The following NUP214 variants were observed in gnomAD, a reference collection of about 807,000 sequenced individuals.
NUP214 encodes the protein nucleoporin 214, also known as nuclear pore complex protein Nup214.
Under a neutral mutation model 196.2 loss-of-function variants are expected in NUP214, and 79 were observed. The observed-to-expected ratio is 0.40, with a 90% CI of 0.34 to 0.49. The LOEUF (loss-of-function observed/expected upper bound fraction) is 0.49. NUP214 is among the 20% of genes least tolerant of loss of function. The pLI is 0.58. For synonymous variants in NUP214, 1,020 were observed against 990.5 expected (o/e 1.03, Z -0.56); for missense variants, 2,468 against 2,539.0 (o/e 0.97, Z 0.60).
Position 131,192,169 on chromosome 9 carries a change from CTTT to C in NUP214, c.3575-15_3575-13del, listed in dbSNP as rs66652901. 722 of 446,518 alleles carry C rather than the reference CTTT, an allele frequency of 1.6e-3. 1 individual carries two copies. Among genetic ancestry groups the C allele is most frequent in the African/African-American group, 9.4e-3 (245 of 26,034 alleles). The allele number at this position is 446,518 out of a possible 1,614,324, so 27.7% of individuals were successfully genotyped here. A position where few individuals can be genotyped will look rare whatever the true frequency, so the allele number is the denominator to read the frequency against. Reference sequence around the variant, plus strand: ...AGTGTTTCTGTCTTTTTGTAATATTCTTTTTTTTTTTTTTTTTTTTTTTTTTCC... The same window carrying C: ...AGTGTTTCTGTCTTTTTGTAATATTCTTTTTTTTTTTTTTTTTTTTTTTCC... On this transcript the variant is annotated intron_variant, in intron 26 of 35. Transcript: ENST00000359428.
intron 32 of NUP214, among the ~76,000 whole-genome samples, chr9:131,227,198 G>A (rs1300174891): frequency 6.6e-6 from 1 of 152,234 alleles, no homozygotes; most frequent in Admixed American, 6.5e-5. Flanking sequence ...AGGAGAGGAT[G>A]TTTTGTCTTC....
chr9:131,142,825 T>TA (rs1269164609), intron 11 of NUP214, among the ~76,000 whole-genome samples: 1 of 152,246 alleles, frequency 6.6e-6, no homozygotes, highest in East Asian at 1.9e-4. Flanking sequence ...ATCTAAGTAT[T>TA]ACGTTGCATT....
chr9:131,175,834 T>A, intron 23 of NUP214: 1 of 607,588 alleles, frequency 1.6e-6, no homozygotes, highest in Non-Finnish European at 2.5e-6. Context: ...GGATTAGAAC[T>A]GCCACATTTA....
chr9:131,138,132 TTC>T (rs577200616), intron 9 of NUP214, among the ~76,000 whole-genome samples: 93 of 151,446 alleles, frequency 6.1e-4, no homozygotes, highest in African/African-American at 1.8e-3. Flanking sequence ...CTTGCTTGCT[TTC>T]TCTCTCTCTC....
At chr9:131,219,416 G>A (rs188546206) in intron 31 of NUP214, among the ~76,000 whole-genome samples, 123 of 152,244 alleles carry the variant, frequency 8.1e-4, no homozygotes, top group Middle Eastern at 6.8e-3. Flanking sequence ...TTTATGCCCC[G>A]GGCTGCTTTG....
intron 32 of NUP214, among the ~76,000 whole-genome samples, chr9:131,223,723 A>ATTTTTTTTTTTTTTTTT (rs1222974193): frequency 2.1e-4 from 4 of 18,968 alleles, no homozygotes; most frequent in Non-Finnish European, 3.7e-4. Flanking sequence ...TTATTTATTT[A>ATTTTTTTTTTTTTTTTT]TTTATTTTTT....
chr9:131,176,266 C>A (rs2131003603), intron 23 of NUP214, among the ~76,000 whole-genome samples: 1 of 152,212 alleles, frequency 6.6e-6, no homozygotes, highest in Admixed American at 6.5e-5. Context: ...CAGACTCTAA[C>A]CCTCTGCTCT....
rs1451509806 is a variant in NUP214 at position 131,146,041 on chromosome 9, TA to T, written c.1770-86del. ...CTTTGTAAGTTAACATAAAAGATAATAAGTTATCTTTTGATGACATTGCTCA... is the reference window on the plus strand; with the variant it reads ...CTTTGTAAGTTAACATAAAAGATAATAGTTATCTTTTGATGACATTGCTCA... On this transcript the variant is annotated intron_variant, in intron 12 of 35. Coordinates refer to ENST00000359428, the MANE Select transcript of NUP214 (RefSeq NM_005085.4). The surrounding 1 kb of genome is among the most constrained non-coding windows in gnomAD (Gnocchi z 4.6). The T allele has an allele frequency of 1.7e-5, 21 of 1,204,298 alleles. No individual in the cohort carries two copies. In the African/African-American group the frequency reaches 3.0e-4, roughly 17 times the overall value. 74.6% of individuals were successfully genotyped at this position (1,204,298 alleles called of 1,614,324 possible).
At chr9:131,127,120 A>G (rs1229339345) in intron 1 of NUP214, 4 of 155,802 alleles carry the variant, frequency 2.6e-5, no homozygotes, top group Admixed American at 1.3e-4. Flanking sequence ...GTGGTGGCTC[A>G]TGCCTGTGAG....
intron 7 of NUP214, 88 bp downstream of exon 7, chr9:131,133,297 TG>T: frequency 1.3e-6 from 1 of 780,158 alleles, no homozygotes; most frequent in Non-Finnish European, 1.9e-6. Context: ...GGTTTTTTTG[TG>T]TTTGTGTTTT....
rs866354248 is a variant in NUP214 at position 131,137,495 on chromosome 9, T to C, written c.1005+1489T>C. 1.4e-4 allele frequency among the ~76,000 whole-genome samples: 21 copies of C among 152,012 alleles called. 1 individual carries two copies. Among genetic ancestry groups the C allele is most frequent in the Middle Eastern group, 3.4e-3 (1 of 292 alleles). On this transcript the variant is annotated intron_variant, in intron 9 of 35. Coordinates refer to ENST00000359428, the MANE Select transcript of NUP214 (RefSeq NM_005085.4). ...GTTACAGCGTTGTTTTAATTTCTTA[T>C]CTTGGTGAACCTTTGTAATTTTAAT...
Position 131,199,841 on chromosome 9 carries a change from C to A in NUP214, c.5521+826C>A, listed in dbSNP as rs1024494214. 4.6e-5 allele frequency among the ~76,000 whole-genome samples: 7 copies of A among 152,110 alleles called. No individual in the cohort carries two copies. The South Asian group carries it at 1.2e-3, about 27-fold the overall frequency. On this transcript the variant is annotated intron_variant, in intron 29 of 35. Coordinates refer to ENST00000359428, the MANE Select transcript of NUP214 (RefSeq NM_005085.4). ...ATTCGATGATAACTTGAAAATGGTT[C>A]ATAATTTATTAGAAAGGAAACATTT...
In NUP214 at chr9:131,198,419, C is replaced by T; in HGVS notation, c.4925C>T (p.Ser1642Leu). ...GCATTTGGTACCGTCACTTCTGGCT[C>T]ATCCGTCTTTGCTCAGCCTCCTGCT... ...AAAFGTVTSG[S>L]SVFAQPPAAS... The change falls in exon 29 of 36, where the codon TCA becomes TTA. Residue 1642 changes from serine to leucine, a missense_variant. This residue lies in a region of NUP214 where 1,801 missense variants were observed against 1,779.4 expected (regional missense o/e 1.01). Transcript: ENST00000359428. 2 of 1,614,268 alleles carry T rather than the reference C, an allele frequency of 1.2e-6. No homozygotes were observed. The highest frequency in any genetic ancestry group is 8.5e-7 in the Non-Finnish European group (1 of 1,180,046).
Position 131,175,558 on chromosome 9 carries a change from A to G in NUP214, c.3256A>G (p.Ile1086Val). The G allele has an allele frequency of 6.2e-7, 1 of 1,614,172 alleles. No homozygotes were observed. Among genetic ancestry groups the G allele is most frequent in the Non-Finnish European group, 8.5e-7 (1 of 1,180,020 alleles). ...KHGAPSPSHP[I>V]SAPQAAAAAA... ...TGGTGCACCTAGTCCTTCCCACCCC[A>G]TCTCAGCCCCGCAGGCAGCTGCCGC... Residue 1086 changes from isoleucine to valine, a missense_variant, in exon 23 of 36, where the codon ATC becomes GTC. Physicochemically the swap from Ile to Val is conservative, Grantham distance 29. Transcript: ENST00000359428.
chr9:131,138,089 T>C (rs1454036377), intron 9 of NUP214, among the ~76,000 whole-genome samples: 1 of 152,112 alleles, frequency 6.6e-6, no homozygotes, highest in Non-Finnish European at 1.5e-5. Context: ...TGTGATTTCA[T>C]TCCCTCTCCT....
At chr9:131,199,839 T>C (rs1833895010) in intron 29 of NUP214, among the ~76,000 whole-genome samples, 1 of 152,178 alleles carries the variant, frequency 6.6e-6, no homozygotes, top group Non-Finnish European at 1.5e-5. Context: ...TTGAAAATGG[T>C]TCATAATTTA....
intron 30 of NUP214, among the ~76,000 whole-genome samples, chr9:131,203,869 AT>A (rs1359460932): frequency 6.6e-6 from 1 of 152,222 alleles, no homozygotes; most frequent in African/African-American, 2.4e-5. Context: ...TGAATTTTCT[AT>A]TTAATAACCC....
chr9:131,185,583 C>A (rs146007840), intron 24 of NUP214, among the ~76,000 whole-genome samples: 1 of 152,210 alleles, frequency 6.6e-6, no homozygotes, highest in Admixed American at 6.5e-5. Context: ...TTTTCTATCT[C>A]TTGATCATTT....
intron 22 of NUP214, 54 bp from the exon 23 acceptor site, chr9:131,175,406 T>C: frequency 6.3e-7 from 1 of 1,592,960 alleles, no homozygotes; most frequent in Non-Finnish European, 8.6e-7. Flanking sequence ...ATTTAACCTT[T>C]TGTATTTTCC....
Sources: allele counts gnomAD v4.1 joint callset (sites outside exome capture counted in the v4.1 genomes callset), GRCh38; gene constraint gnomAD v4.1.1; regional missense constraint gnomAD v4.1.1; non-coding constraint Gnocchi (gnomAD v3.1); transcripts MANE v1.5; gene names NCBI Gene and HGNC (gene_info 2026-07-23, HGNC 2026-07-21).